INSL6: variants seen among roughly 807,000 people sequenced by gnomAD.
The protein encoded by INSL6 is insulin like 6.
In INSL6, 16 loss-of-function variants were observed where a neutral mutation model predicts 9.4. The observed-to-expected ratio is 1.70, with a 90% CI of 1.15 to 2.59. The LOEUF is 2.59. INSL6 is among the 30% of genes most tolerant of loss of function. INSL6 has a pLI of 0.00. For synonymous variants in INSL6, 154 were observed against 96.9 expected (o/e 1.59, Z -3.46); for missense variants, 391 against 257.3 (o/e 1.52, Z -3.56).
chr9:5,124,454 T>TTGAAAGGAC (rs1444879373), exon 4 of INSL6, among the ~76,000 whole-genome samples: 1 of 151,734 alleles, frequency 6.6e-6, no homozygotes, highest in Admixed American at 6.6e-5. Context: ...GCACCATTTA[T>TTGAAAGGAC]TGAAAAGGGT....
chr9:5,128,920 T>C (rs1397630345), intron 3 of INSL6, among the ~76,000 whole-genome samples: 1 of 152,062 alleles, frequency 6.6e-6, no homozygotes, highest in Non-Finnish European at 1.5e-5. Context: ...ATTCTGTAAC[T>C]ATTCCAGTAT....
chr9:5,154,337 G>T (rs1030080971), intron 2 of INSL6, among the ~76,000 whole-genome samples: 9 of 152,192 alleles, frequency 5.9e-5, no homozygotes, highest in African/African-American at 1.7e-4. Context: ...ATGGATTAAA[G>T]ACTTAAATGT....
At chr9:5,172,933 A>G (rs912842212) in intron 1 of INSL6, among the ~76,000 whole-genome samples, 8 of 148,232 alleles carry the variant, frequency 5.4e-5, no homozygotes, top group African/African-American at 1.2e-4. Context: ...ACCTCAAAAG[A>G]AAAAAAAAAA....
the INSL6 span, chr9:5,041,226 CG>C: frequency 6.1e-6 from 9 of 1,468,622 alleles, no homozygotes; most frequent in Non-Finnish European, 7.5e-6. Context: ...GTGGGGCGCC[CG>C]GGGACCAAGC....
At chr9:5,043,655 CTAGCGTTATT>C in the INSL6 span, among the ~76,000 whole-genome samples, 2 of 152,164 alleles carry the variant, frequency 1.3e-5, no homozygotes, top group Non-Finnish European at 2.9e-5. Context: ...ACTCTTCATA[CTAGCGTTATT>C]CACAATAGAA....
chr9:5,078,421 G>C, the INSL6 span: 1 of 1,612,758 alleles, frequency 6.2e-7, no homozygotes, highest in Non-Finnish European at 8.5e-7. Flanking sequence ...CCTGGCATTA[G>C]TATTACAGTT....
the INSL6 span, among the ~76,000 whole-genome samples, chr9:5,005,881 G>A: frequency 2.0e-5 from 3 of 152,182 alleles, no homozygotes; most frequent in Non-Finnish European, 4.4e-5. Flanking sequence ...GTACCATGCT[G>A]TTTTGGTTAC....
chr9:5,098,123 T>C, the INSL6 span: 1 of 152,112 alleles, frequency 6.6e-6, no homozygotes, highest in South Asian at 2.1e-4. Context: ...TGAACAACCA[T>C]CTAGTAATTT....
the INSL6 span, among the ~76,000 whole-genome samples, chr9:5,006,083 G>A: frequency 6.6e-6 from 1 of 152,192 alleles, no homozygotes; most frequent in East Asian, 1.9e-4. Flanking sequence ...ATGACCTTGG[G>A]CAGTATGGCC....
chr9:5,113,416 T>C, the INSL6 span: 3 of 119,774 alleles, frequency 2.5e-5, no homozygotes, highest in Admixed American at 8.8e-5. Context: ...AAAAGAACAT[T>C]AGTTATTTAA....
intron 2 of INSL6, among the ~76,000 whole-genome samples, chr9:5,134,379 A>C (rs368072979): frequency 2.0e-5 from 3 of 152,286 alleles, no homozygotes; most frequent in African/African-American, 7.2e-5. Context: ...CAACCCCAAG[A>C]CACATAATTG....
At chr9:5,030,661 A>C in the INSL6 span, among the ~76,000 whole-genome samples, 3 of 152,038 alleles carry the variant, frequency 2.0e-5, no homozygotes, top group Admixed American at 2.0e-4. Context: ...CCTCTTAATC[A>C]CCTCATGTGT....
intron 1 of INSL6, among the ~76,000 whole-genome samples, chr9:5,173,507 G>C (rs918329226): frequency 6.6e-6 from 1 of 152,078 alleles, no homozygotes; most frequent in Admixed American, 6.5e-5. Flanking sequence ...ACTAAGGCAG[G>C]AAGAGAAAAC....
rs1825554137 is a variant in INSL6 at position 5,185,474 on chromosome 9, T to C, written c.129A>G (p.Lys43=). The C allele has an allele frequency of 6.2e-7, 1 of 1,613,444 alleles. No individual in the cohort carries two copies. Among genetic ancestry groups the C allele is most frequent in the Non-Finnish European group, 8.5e-7 (1 of 1,179,860 alleles). The change falls in exon 1 of 2, where the codon AAA becomes AAG. Residue 43 remains lysine, a synonymous_variant. Coordinates refer to ENST00000381641, the MANE Select transcript of INSL6 (RefSeq NM_007179.3). ...CGRYLVKEIE[K]LCGHANWSQF... Reference sequence around the variant, plus strand: ...GGCTCCAGTTGGCATGGCCGCAGAGTTTTTCTATTTCTTTCACCAAGTACC... The same window carrying C: ...GGCTCCAGTTGGCATGGCCGCAGAGCTTTTCTATTTCTTTCACCAAGTACC...
intron 2 of INSL6, among the ~76,000 whole-genome samples, chr9:5,157,962 G>C (rs917234143): frequency 1.3e-5 from 2 of 152,018 alleles, no homozygotes; most frequent in Admixed American, 6.5e-5. Flanking sequence ...AAACAGAAAA[G>C]AAATTCAGAA....
chr9:5,121,958 A>G, downstream of INSL6, among the ~76,000 whole-genome samples: 1 of 152,148 alleles, frequency 6.6e-6, no homozygotes, highest in Non-Finnish European at 1.5e-5. Context: ...TAAAACTAAC[A>G]TACATTTGAT....
intron 3 of INSL6, among the ~76,000 whole-genome samples, chr9:5,130,919 CG>C (rs2130878488): frequency 6.6e-6 from 1 of 150,750 alleles, no homozygotes; most frequent in African/African-American, 2.4e-5. Context: ...TTAGTAGAGA[CG>C]GGGTTTCACT....
the INSL6 span, among the ~76,000 whole-genome samples, chr9:5,074,910 A>T: frequency 6.6e-6 from 1 of 152,216 alleles, no homozygotes; most frequent in Non-Finnish European, 1.5e-5. Context: ...GCAAGTTATG[A>T]ATCCAAAGGA....
chr9:5,131,736 G>A lies in INSL6; in HGVS notation c.*10+1689C>T, dbSNP rs567073432. ...ATTACAGGCATGAGGCACTGCGCCC[G>A]GCCCAGTTAACAATTTTAATCTGCA... On this transcript the variant is annotated intron_variant, in intron 3 of 3. Transcript: ENST00000649639. Among the ~76,000 whole-genome samples the A allele has an allele frequency of 1.4e-4, 22 of 152,208 alleles. No individual in the cohort carries two copies. The South Asian group carries it at 1.9e-3, about 13-fold the overall frequency.
Sources: allele counts gnomAD v4.1 joint callset (sites outside exome capture counted in the v4.1 genomes callset), GRCh38; gene constraint gnomAD v4.1.1; transcripts MANE v1.5; gene names NCBI Gene and HGNC (gene_info 2026-07-23, HGNC 2026-07-21).